Variants in ZSCAN5A observed in about 807,000 individuals in gnomAD.
ZSCAN5A encodes zinc finger and SCAN domain-containing protein 5A.
Under a neutral mutation model 23.7 loss-of-function variants are expected in ZSCAN5A, and 12 were observed. That is an observed-to-expected ratio of 0.51 (90% confidence interval 0.32 to 0.82). ZSCAN5A has a LOEUF of 0.82. ZSCAN5A is among the 40% of genes least tolerant of loss of function. The pLI, the probability that ZSCAN5A is intolerant of heterozygous loss-of-function variation, is 0.03. For missense variants in ZSCAN5A, 597 were observed against 617.9 expected (o/e 0.97, Z 0.36); for synonymous variants, 257 against 239.9 (o/e 1.07, Z -0.66).
intron 2 of ZSCAN5A, among the ~76,000 whole-genome samples, chr19:56,334,900 A>C (rs1029502836): frequency 2.0e-5 from 3 of 152,230 alleles, no homozygotes; most frequent in Non-Finnish European, 4.4e-5. Context: ...CTTTTCTCCA[A>C]ATGACCACAT....
At chr19:56,338,261 C>T (rs1297117545) in intron 2 of ZSCAN5A, 2 of 152,204 alleles carry the variant, frequency 1.3e-5, no homozygotes, top group African/African-American at 4.8e-5. Context: ...AGTCCCTCCT[C>T]TTAATCTAAA....
chr19:56,338,956 C>T (rs1313361683), intron 2 of ZSCAN5A, among the ~76,000 whole-genome samples: 4 of 152,138 alleles, frequency 2.6e-5, no homozygotes, highest in Non-Finnish European at 4.4e-5. Context: ...TTGACAGTGA[C>T]GTAATGTATT....
At position 56,356,959 on chromosome 19, in the gene ZSCAN5A, A is replaced by G. The variant is rs1375302883; in HGVS notation, c.-358+6276T>C. Among the ~76,000 whole-genome samples, 4 of 148,942 alleles carry G rather than the reference A, an allele frequency of 2.7e-5. No individual in the cohort carries two copies. The East Asian group carries it at 5.8e-4, about 22-fold the overall frequency. ...GCAATAAAAATTCTCATAGCTTGGC[A>G]TGTTTCTAAGATTACCTTGATTTTT... On this transcript the variant is annotated intron_variant, in intron 2 of 6. Coordinates refer to the ZSCAN5A transcript ENST00000587340.
At chr19:56,282,857 T>C (rs781377607) in intron 2 of ZSCAN5A, 1 of 152,250 alleles carries the variant, frequency 6.6e-6, no homozygotes, top group Non-Finnish European at 1.5e-5. Context: ...TGAGGTCAGG[T>C]AGTAAAAGCC....
chr19:56,228,311 G>C (rs1167915141), intron 2 of ZSCAN5A: 1 of 985,238 alleles, frequency 1.0e-6, no homozygotes, highest in Admixed American at 6.2e-5. Flanking sequence ...CAACCGGCCT[G>C]GAGCTGAACT....
intron 2 of ZSCAN5A, among the ~76,000 whole-genome samples, chr19:56,253,387 T>C (rs2036488696): frequency 6.6e-6 from 1 of 151,638 alleles, no homozygotes; most frequent in Non-Finnish European, 1.5e-5. Context: ...ACCCCAAGAA[T>C]ATAGCTCACC....
intron 2 of ZSCAN5A, among the ~76,000 whole-genome samples, chr19:56,232,029 C>A (rs898017570): frequency 8.6e-6 from 1 of 115,996 alleles, no homozygotes; most frequent in African/African-American, 3.2e-5. Context: ...GCTCTGTTGC[C>A]CAGGCTGCAG....
chr19:56,226,399 A>G (rs1272453241), intron 2 of ZSCAN5A, among the ~76,000 whole-genome samples: 1 of 152,200 alleles, frequency 6.6e-6, no homozygotes, highest in African/African-American at 2.4e-5. Flanking sequence ...AACCCACTAG[A>G]AGGGCTTAAG....
chr19:56,268,067 C>T (rs2037596156), intron 2 of ZSCAN5A, among the ~76,000 whole-genome samples: 1 of 152,144 alleles, frequency 6.6e-6, no homozygotes, highest in African/African-American at 2.4e-5. Flanking sequence ...ACCCATTGCT[C>T]CCTTATCTGT....
chr19:56,251,171 A>C (rs1276893253), intron 2 of ZSCAN5A, among the ~76,000 whole-genome samples: 1 of 146,282 alleles, frequency 6.8e-6, no homozygotes, highest in African/African-American at 2.5e-5. Flanking sequence ...AAAAAAGACC[A>C]CTGATGACCC....
At chr19:56,297,595 T>C in intron 2 of ZSCAN5A, 7 of 895,316 alleles carry the variant, frequency 7.8e-6, no homozygotes, top group Non-Finnish European at 9.4e-6. Context: ...GTCTGGGCTA[T>C]GATAAAGCCT....
chr19:56,228,777 CTT>C (rs951589821), intron 2 of ZSCAN5A, among the ~76,000 whole-genome samples: 168 of 152,006 alleles, frequency 1.1e-3, no homozygotes, highest in African/African-American at 4.0e-3. Context: ...AAGAGACAGT[CTT>C]TGTTGATACA....
At chr19:56,343,601 T>C (rs774425495) in intron 2 of ZSCAN5A, among the ~76,000 whole-genome samples, 21 of 152,330 alleles carry the variant, frequency 1.4e-4, no homozygotes, top group Non-Finnish European at 2.2e-4. Context: ...AGGAAATGGA[T>C]GTTCCAAGAC....
At chr19:56,308,222 C>T (rs1009959953) in intron 2 of ZSCAN5A, among the ~76,000 whole-genome samples, 3 of 151,566 alleles carry the variant, frequency 2.0e-5, no homozygotes, top group Non-Finnish European at 2.9e-5. Flanking sequence ...TTAGTAGAGA[C>T]GGGGTTTCAC....
intron 2 of ZSCAN5A, among the ~76,000 whole-genome samples, chr19:56,231,824 A>G (rs935182153): frequency 6.6e-5 from 10 of 152,036 alleles, no homozygotes; most frequent in Non-Finnish European, 1.2e-4. Context: ...GTACATACTC[A>G]TGAAGTCATT....
At position 56,245,471 on chromosome 19, in the gene ZSCAN5A, A is replaced by G. The variant is rs535417459; in HGVS notation, c.-127-20298T>C. 23 of 564,862 alleles carry G rather than the reference A, an allele frequency of 4.1e-5. No individual in the cohort carries two copies. The East Asian group carries it at 7.1e-4, about 17-fold the overall frequency. 35.0% of individuals were successfully genotyped at this position (564,862 alleles called of 1,614,324 possible). The stretch of plus-strand genomic sequence containing the variant: ...TGTCTGGGCAGAGGTGGGAGAAGGA[A>G]CAGGAGAAAACTGAGTGTGCCTCTG... On this transcript the variant is annotated intron_variant, in intron 2 of 5. Transcript: ENST00000683990.
intron 2 of ZSCAN5A, among the ~76,000 whole-genome samples, chr19:56,277,528 G>C (rs977896420): frequency 1.2e-4 from 18 of 151,964 alleles, no homozygotes; most frequent in African/African-American, 4.4e-4. Flanking sequence ...TGATTTCCAG[G>C]GGGTGAGGGG....
intron 2 of ZSCAN5A, chr19:56,228,140 G>A: frequency 3.6e-6 from 3 of 824,596 alleles, no homozygotes; most frequent in Non-Finnish European, 4.4e-6. Context: ...GAGACCCGCT[G>A]CCTTCACAAA....
intron 2 of ZSCAN5A, among the ~76,000 whole-genome samples, chr19:56,289,039 A>G (rs1159555317): frequency 2.0e-5 from 3 of 152,206 alleles, no homozygotes; most frequent in Admixed American, 6.5e-5. Context: ...TCATCAGTAC[A>G]GATTCTGCCA....
Sources: gnomAD v4.1 joint callset for allele counts (sites outside exome capture counted in the v4.1 genomes callset) on GRCh38, gnomAD v4.1.1 for gene constraint, MANE v1.5 for transcripts, NCBI Gene and HGNC (gene_info 2026-07-23, HGNC 2026-07-21) for gene names.